ATG10: variants seen among roughly 807,000 people sequenced by gnomAD.
ATG10 encodes ubiquitin-like-conjugating enzyme ATG10.
Under a neutral mutation model 32.1 loss-of-function variants are expected in ATG10, and 30 were observed. The ratio of observed to expected loss-of-function variants is 0.94; its 90% CI spans 0.70 to 1.27. The LOEUF (loss-of-function observed/expected upper bound fraction) is 1.27, where lower values mean the gene tolerates loss of function less well. Among genes scored for constraint, ATG10 ranks in the 50% most tolerant of loss-of-function variants. The pLI, the probability that ATG10 is intolerant of heterozygous loss-of-function variation, is 0.00. For missense variants in ATG10, 233 were observed against 262.3 expected (o/e 0.89, Z 0.77); for synonymous variants, 87 against 91.5 (o/e 0.95, Z 0.28).
chr5:82,161,941 AAG>A (rs1743366398), intron 3 of ATG10, among the ~76,000 whole-genome samples: 1 of 152,164 alleles, frequency 6.6e-6, no homozygotes, highest in Admixed American at 6.5e-5. Flanking sequence ...CCTTCTGATG[AAG>A]ACATGTAACT....
chr5:82,245,331 A>G (rs896983228), intron 5 of ATG10, among the ~76,000 whole-genome samples: 19 of 152,234 alleles, frequency 1.2e-4, no homozygotes, highest in African/African-American at 4.3e-4. Context: ...CCATTGGAAA[A>G]TAATGGCTTT....
At chr5:82,069,104 A>G (rs903471085) in intron 3 of ATG10, among the ~76,000 whole-genome samples, 5 of 152,170 alleles carry the variant, frequency 3.3e-5, no homozygotes, top group African/African-American at 1.2e-4. Context: ...TAATTTAAAA[A>G]TACTTTATGG....
chr5:82,018,436 C>T (rs1762344998), intron 2 of ATG10, among the ~76,000 whole-genome samples: 2 of 152,166 alleles, frequency 1.3e-5, no homozygotes, highest in South Asian at 4.1e-4. Context: ...TCTTGCCTTC[C>T]TATGACATAA....
intron 3 of ATG10, among the ~76,000 whole-genome samples, chr5:82,087,566 G>A (rs1353857744): frequency 1.3e-5 from 2 of 152,046 alleles, no homozygotes; most frequent in African/African-American, 4.8e-5. Context: ...AAATATTACT[G>A]ACTTCATATA....
chr5:82,252,610 A>G lies in ATG10; in HGVS notation c.502A>G (p.Thr168Ala). The G allele has an allele frequency of 3.7e-6, 6 of 1,608,416 alleles. No homozygotes were observed. The highest frequency in any genetic ancestry group is 5.1e-6 in the Non-Finnish European group (6 of 1,177,624). Residue 168 changes from threonine (T) to alanine (A), a missense_variant, in exon 6 of 8, where the codon ACG becomes GCG. Thr to Ala is a moderately conservative substitution (Grantham distance 58). Transcript: ENST00000282185. ...CTTTTTTGTACTTCATCCCTGCAAGACGAATGAATTCATGACTCCTGTATT... is the reference window on the plus strand; with the variant it reads ...CTTTTTTGTACTTCATCCCTGCAAGGCGAATGAATTCATGACTCCTGTATT... The part of the protein sequence containing the change: ...QPFFVLHPCK[T>A]NEFMTPVLKN...
intron 5 of ATG10, among the ~76,000 whole-genome samples, chr5:82,203,352 G>A (rs190227948): frequency 2.0e-5 from 3 of 152,256 alleles, no homozygotes; most frequent in African/African-American, 4.8e-5. Flanking sequence ...CAGCCATTGG[G>A]TCAAAGCCAG....
intron 5 of ATG10, among the ~76,000 whole-genome samples, chr5:82,237,624 CAG>C (rs1491142859): frequency 4.7e-5 from 7 of 150,326 alleles, no homozygotes; most frequent in South Asian, 2.1e-4. Context: ...GCCTGGATGA[CAG>C]AGCGAGATTC....
intron 2 of ATG10, among the ~76,000 whole-genome samples, chr5:81,999,070 G>C (rs1733066514): frequency 6.7e-6 from 1 of 148,392 alleles, no homozygotes. Flanking sequence ...AGAAACAACA[G>C]ACTATACATT....
intron 3 of ATG10, among the ~76,000 whole-genome samples, chr5:82,117,271 G>A (rs926472311): frequency 1.3e-5 from 2 of 152,082 alleles, no homozygotes; most frequent in African/African-American, 2.4e-5. Context: ...TTAGGAAATG[G>A]AATGAGGTTT....
chr5:82,153,158 G>GT (rs1452137647), intron 3 of ATG10, among the ~76,000 whole-genome samples: 3 of 152,132 alleles, frequency 2.0e-5, no homozygotes, highest in Admixed American at 6.6e-5. Flanking sequence ...TTTATGCAAT[G>GT]TTTTTTTCTC....
intron 2 of ATG10, among the ~76,000 whole-genome samples, chr5:82,040,375 AC>A (rs1763049279): frequency 6.6e-6 from 1 of 152,220 alleles, no homozygotes; most frequent in African/African-American, 2.4e-5. Context: ...AATGATAAAA[AC>A]CAGTCCTGGC....
chr5:82,069,707 A>G (rs770861465), intron 3 of ATG10, among the ~76,000 whole-genome samples: 1 of 152,190 alleles, frequency 6.6e-6, no homozygotes, highest in Admixed American at 6.6e-5. Flanking sequence ...AGTCAGCAAT[A>G]TTAGTATAAA....
At chr5:82,230,732 C>CAAA (rs397881697) in intron 5 of ATG10, among the ~76,000 whole-genome samples, 59 of 58,756 alleles carry the variant, frequency 1.0e-3, no homozygotes, top group Middle Eastern at 0.016. Flanking sequence ...GACTCCGTCT[C>CAAA]AAAAAAAAAA....
chr5:82,079,619 G>GT (rs1011491413), intron 3 of ATG10, among the ~76,000 whole-genome samples: 58 of 150,090 alleles, frequency 3.9e-4, no homozygotes, highest in African/African-American at 4.9e-4. Flanking sequence ...TGCGGTGTTT[G>GT]TTTTTTTTTC....
chr5:81,985,392 T>C (rs1761230601), intron 1 of ATG10, among the ~76,000 whole-genome samples: 1 of 152,234 alleles, frequency 6.6e-6, no homozygotes, highest in Admixed American at 6.5e-5. Flanking sequence ...TCTGTTACCA[T>C]CTATGTAACG....
chr5:82,238,380 A>G (rs905736908), intron 5 of ATG10, among the ~76,000 whole-genome samples: 1 of 98,810 alleles, frequency 1.0e-5, no homozygotes, highest in Admixed American at 1.6e-4. Context: ...GCCATCAGCC[A>G]TCTCTGCTAT....
intron 5 of ATG10, among the ~76,000 whole-genome samples, chr5:82,179,400 T>G (rs189250789): frequency 6.6e-6 from 1 of 152,098 alleles, no homozygotes; most frequent in African/African-American, 2.4e-5. Context: ...TATTAAGAAA[T>G]AGATGATTTG....
chr5:82,124,074 AT>A lies in ATG10; in HGVS notation c.217-40309del, dbSNP rs78005207. On this transcript the variant is annotated intron_variant, in intron 3 of 7. Transcript: ENST00000282185. ...GTTTTTTTCCACTTATATTCCATGG[AT>A]TTTTTTTTTTTTTTTGAGATGGAGT... Among the ~76,000 whole-genome samples, 490 of 136,690 alleles carry A rather than the reference AT, an allele frequency of 3.6e-3. 2 individuals carry two copies. The highest frequency in any genetic ancestry group is 0.012 in the Middle Eastern group (3 of 260). 89.7% of individuals were successfully genotyped at this position (136,690 alleles called of 152,430 possible).
At chr5:82,251,007 G>T (rs561678863) in intron 5 of ATG10, among the ~76,000 whole-genome samples, 2 of 152,330 alleles carry the variant, frequency 1.3e-5, no homozygotes, top group Admixed American at 6.5e-5. Flanking sequence ...CTGATGCCTT[G>T]CTGGAAGAAT....
Sources: allele counts gnomAD v4.1 joint callset (sites outside exome capture counted in the v4.1 genomes callset), GRCh38; gene constraint gnomAD v4.1.1; transcripts MANE v1.5; gene names NCBI Gene and HGNC (gene_info 2026-07-23, HGNC 2026-07-21).